The following DNAL1 variants were observed in gnomAD, a reference collection of about 807,000 sequenced individuals.
DNAL1 encodes chromosome 14 open reading frame 168.
DNAL1 carries 17 observed loss-of-function variants against 29.4 expected under a neutral mutation model. That is an observed-to-expected ratio of 0.58 (90% CI 0.40 to 0.87). DNAL1 has a LOEUF of 0.87. Among genes scored for constraint, DNAL1 ranks in the 40% least tolerant of loss-of-function variants. The pLI is 0.00. For missense variants in DNAL1, 188 were observed against 214.1 expected, an observed-to-expected ratio of 0.88 and a Z score of 0.76; for synonymous variants, 78 against 76.3, an observed-to-expected ratio of 1.02 and a Z score of -0.12.
At chr14:73,693,210 C>G (rs1389201990) in intron 7 of DNAL1, among the ~76,000 whole-genome samples, 1 of 152,162 alleles carries the variant, frequency 6.6e-6, no homozygotes, top group Non-Finnish European at 1.5e-5. Flanking sequence ...TGAAGCAACT[C>G]TTATACCCTG....
chr14:73,695,717 C>CG (rs949780461), intron 7 of DNAL1, among the ~76,000 whole-genome samples, 185 bp from the exon 8 acceptor site: 5 of 151,910 alleles, frequency 3.3e-5, no homozygotes, highest in Non-Finnish European at 5.9e-5. Flanking sequence ...TTTATAGAGA[C>CG]GGGGTTTCAC....
At chr14:73,690,047 AAAAAG>A (rs1370076189) in intron 7 of DNAL1, among the ~76,000 whole-genome samples, 4 of 127,434 alleles carry the variant, frequency 3.1e-5, no homozygotes, top group Non-Finnish European at 6.5e-5. Context: ...CAAAAAAAAA[AAAAAG>A]AAAAGAAAAG....
chr14:73,696,077 CTTT>C lies in DNAL1; in HGVS notation c.*142_*144del. ...GATAAAACAGATCACTCATTCTCAT[CTTT>C]TTTTTTCCTTTAACTTATTCAGTGT... On this transcript the variant is annotated 3_prime_UTR_variant, in exon 8 of 8. Transcript: ENST00000553645. 1.3e-6 allele frequency: 1 copy of C among 793,666 alleles called. No homozygotes were observed. Among genetic ancestry groups the C allele is most frequent in the Non-Finnish European group, 1.9e-6 (1 of 521,728 alleles). 49.2% of individuals were successfully genotyped at this position (793,666 alleles called of 1,614,324 possible).
intron 5 of DNAL1, among the ~76,000 whole-genome samples, chr14:73,680,042 A>C (rs944213693): frequency 6.6e-6 from 1 of 152,072 alleles, no homozygotes; most frequent in African/African-American, 2.4e-5. Context: ...CTTCAATATC[A>C]TGCTGCTTTA....
intron 7 of DNAL1, among the ~76,000 whole-genome samples, chr14:73,693,162 A>C (rs923102979): frequency 2.6e-5 from 4 of 152,192 alleles, no homozygotes; most frequent in African/African-American, 9.7e-5. Context: ...AAAATCTAAA[A>C]TAAAAAAGAC....
rs552415043 is a variant in DNAL1, at chr14:73,698,515, A to C, written c.*2573A>C. On this transcript the variant is annotated 3_prime_UTR_variant, in exon 8 of 8. Transcript: ENST00000553645. ...TTAGTGGATCATTTAAATTTTTTCT[A>C]TTCTGTTTTTTTTTGTTTGTTTGTT... The C allele has an allele frequency of 1.3e-5, 2 of 151,098 alleles. No homozygotes were observed. The highest frequency in any genetic ancestry group is 3.0e-5 in the Non-Finnish European group (2 of 67,718). 9.4% of individuals were successfully genotyped at this position (151,098 alleles called of 1,614,324 possible).
At chr14:73,680,383 T>C (rs1416216486) in intron 5 of DNAL1, among the ~76,000 whole-genome samples, 1 of 152,196 alleles carries the variant, frequency 6.6e-6, no homozygotes. Flanking sequence ...GGAGAGAAGT[T>C]ATAGCTTTAT....
chr14:73,677,886 G>GTGTA (rs1891783535), intron 5 of DNAL1, among the ~76,000 whole-genome samples: 1 of 68,582 alleles, frequency 1.5e-5, no homozygotes, highest in Admixed American at 1.4e-4. Context: ...ATATATATTT[G>GTGTA]TGTGTGTGTG....
intron 7 of DNAL1, among the ~76,000 whole-genome samples, chr14:73,694,862 T>A (rs1333666505): frequency 6.6e-6 from 1 of 151,920 alleles, no homozygotes; most frequent in Non-Finnish European, 1.5e-5. Context: ...GCCAATTTTG[T>A]ATTTTTAGTA....
At chr14:73,669,984 T>C (rs913979862) in intron 4 of DNAL1, among the ~76,000 whole-genome samples, 3 of 150,844 alleles carry the variant, frequency 2.0e-5, no homozygotes, top group African/African-American at 7.3e-5. Context: ...CACACACACA[T>C]ACACACACAC....
At chr14:73,682,991 C>T (rs997722029) in intron 5 of DNAL1, among the ~76,000 whole-genome samples, 1 of 151,502 alleles carries the variant, frequency 6.6e-6, no homozygotes, top group Non-Finnish European at 1.5e-5. Context: ...ATTCTTCTGC[C>T]TCAGCCTTCC....
At chr14:73,683,273 CATT>C (rs1259328933) in intron 5 of DNAL1, among the ~76,000 whole-genome samples, 6 of 152,154 alleles carry the variant, frequency 3.9e-5, no homozygotes, top group Non-Finnish European at 7.3e-5. Context: ...CATTTACTAT[CATT>C]ATTATGTACT....
Position 73,689,879 on chromosome 14 carries a change from T to TA in DNAL1, c.532+365dup, listed in dbSNP as rs559539841. ...GGTGAAACCCCATCTCTACTAAAAA[T>TA]ATAAAAATTAGCCAGGCGTGGTGGC... On this transcript the variant is annotated intron_variant, in intron 7 of 7. Coordinates refer to ENST00000553645, the MANE Select transcript of DNAL1 (RefSeq NM_031427.4). Among the ~76,000 whole-genome samples, 431 of 151,476 alleles carry TA rather than the reference T, an allele frequency of 2.8e-3. 2 individuals carry two copies. The highest frequency in any genetic ancestry group is 4.5e-3 in the Non-Finnish European group (308 of 67,862).
At chr14:73,688,233 A>G (rs1045861653) in intron 6 of DNAL1, among the ~76,000 whole-genome samples, 1 of 152,188 alleles carries the variant, frequency 6.6e-6, no homozygotes, top group Non-Finnish European at 1.5e-5. Flanking sequence ...TTGGATACAT[A>G]GTTGAATAGG....
intron 1 of DNAL1, among the ~76,000 whole-genome samples, chr14:73,651,937 G>A (rs530280457): frequency 3.2e-4 from 48 of 152,254 alleles, no homozygotes; most frequent in Middle Eastern, 6.8e-3. Flanking sequence ...GATTACAGGC[G>A]TGAGCCACTG....
At chr14:73,649,286 ATTT>A in intron 1 of DNAL1, among the ~76,000 whole-genome samples, 1 of 116,376 alleles carries the variant, frequency 8.6e-6, no homozygotes, top group Non-Finnish European at 1.8e-5. Flanking sequence ...TGTGTTTGAC[ATTT>A]TTTTTTTTTT....
At chr14:73,650,463 A>G (rs909936157) in intron 1 of DNAL1, among the ~76,000 whole-genome samples, 5 of 152,170 alleles carry the variant, frequency 3.3e-5, no homozygotes, top group Non-Finnish European at 7.3e-5. Context: ...TGTAAGCTCC[A>G]TGAAGGCAGG....
At chr14:73,649,447 A>T (rs1439456395) in intron 1 of DNAL1, among the ~76,000 whole-genome samples, 10 of 148,820 alleles carry the variant, frequency 6.7e-5, no homozygotes, top group African/African-American at 2.5e-4. Flanking sequence ...CACGCCCGGC[A>T]CATTTTTTGT....
rs1484424754 is a variant in DNAL1, at chr14:73,702,332, G to C, written c.*6390G>C. On this transcript the variant is annotated 3_prime_UTR_variant, in exon 8 of 8. Transcript: ENST00000553645. ...TTTTTGTATTTTTAGTAGAGACGAA[G>C]TTTCACCATGCTGGCCAGGTTGGTC... 6.6e-6 allele frequency: 1 copy of C among 152,080 alleles called. No homozygotes were observed. Among genetic ancestry groups the C allele is most frequent in the Non-Finnish European group, 1.5e-5 (1 of 68,042 alleles). The allele number at this position is 152,080 out of a possible 1,614,324, so 9.4% of individuals were successfully genotyped here. A position where few individuals can be genotyped will look rare whatever the true frequency, so the allele number is the denominator to read the frequency against.
Sources: gnomAD v4.1 joint callset for allele counts (sites outside exome capture counted in the v4.1 genomes callset) on GRCh38, gnomAD v4.1.1 for gene constraint, MANE v1.5 for transcripts, NCBI Gene and HGNC (gene_info 2026-07-23, HGNC 2026-07-21) for gene names.